Variants in SATB2 observed in about 807,000 individuals in gnomAD.
SATB2 encodes DNA-binding protein SATB2.
In SATB2, 1 loss-of-function variant was observed where a neutral mutation model predicts 73.4. The ratio of observed to expected loss-of-function variants is 0.01; its 90% confidence interval spans 0.00 to 0.06. The LOEUF is 0.06. Among genes scored for constraint, SATB2 ranks in the 10% least tolerant of loss-of-function variants. The pLI, the probability that SATB2 is intolerant of heterozygous loss-of-function variation, is 1.00. For missense variants in SATB2, 459 were observed against 945.8 expected (o/e 0.49, Z 6.75); for synonymous variants, 397 against 367.0 (o/e 1.08, Z -0.93).
intron 7 of SATB2, among the ~76,000 whole-genome samples, chr2:199,332,896 T>C (rs1056310272): frequency 7.9e-5 from 12 of 152,130 alleles, no homozygotes; most frequent in African/African-American, 2.9e-4. Context: ...TGATGGGCCT[T>C]TAACCCTGGA....
chr2:199,427,222 G>C (rs1324202471), intron 3 of SATB2, among the ~76,000 whole-genome samples: 1 of 151,984 alleles, frequency 6.6e-6, no homozygotes, highest in Non-Finnish European at 1.5e-5. Context: ...GAATTTATAG[G>C]ACTAGGATTT....
At chr2:199,292,605 G>A (rs1201963751) in intron 10 of SATB2, among the ~76,000 whole-genome samples, 1 of 152,182 alleles carries the variant, frequency 6.6e-6, no homozygotes, top group Non-Finnish European at 1.5e-5. Context: ...AAGGGATAGA[G>A]AACATGTCTT....
intron 3 of SATB2, among the ~76,000 whole-genome samples, chr2:199,389,772 A>T (rs1315302442): frequency 6.6e-6 from 1 of 152,136 alleles, no homozygotes; most frequent in Admixed American, 6.5e-5. Context: ...TATCAAGAAG[A>T]TTATTATTTA....
intron 9 of SATB2, among the ~76,000 whole-genome samples, chr2:199,311,065 A>G (rs1687581679): frequency 6.6e-6 from 1 of 152,216 alleles, no homozygotes; most frequent in African/African-American, 2.4e-5. Flanking sequence ...TTGCCCACTG[A>G]CATGCAAGGT....
rs1167271422 is a variant in SATB2 at position 199,431,787 on chromosome 2, GC to G, written c.346+1550del. 3.9e-5 allele frequency among the ~76,000 whole-genome samples: 6 copies of G among 152,144 alleles called. No individual in the cohort carries two copies. The East Asian group carries it at 9.6e-4, about 24-fold the overall frequency. ...TGTGTTCCACATGTGAGCTCGCGAC[GC>G]GCTGAACGGCTGTGCTAACTGAGAT... On this transcript the variant is annotated intron_variant, in intron 3 of 10. Coordinates refer to ENST00000417098, the MANE Select transcript of SATB2 (RefSeq NM_001172509.2).
chr2:199,359,050 A>C (rs1202809877), intron 6 of SATB2, among the ~76,000 whole-genome samples: 1 of 152,182 alleles, frequency 6.6e-6, no homozygotes, highest in Non-Finnish European at 1.5e-5. Flanking sequence ...AGGTGAATTC[A>C]GCACATGATA....
At chr2:199,442,351 A>G (rs1372023755) in intron 2 of SATB2, among the ~76,000 whole-genome samples, 1 of 152,108 alleles carries the variant, frequency 6.6e-6, no homozygotes, top group East Asian at 1.9e-4. Flanking sequence ...GCTGTGCGTG[A>G]CCACTATTGA....
intron 6 of SATB2, among the ~76,000 whole-genome samples, chr2:199,355,340 G>GTATATATATA (rs1445800916): frequency 7.2e-5 from 1 of 13,864 alleles, no homozygotes; most frequent in African/African-American, 8.5e-5. Context: ...GTGTGTGTGT[G>GTATATATATA]TGTGTATCTA....
intron 3 of SATB2, chr2:199,396,936 T>G (rs373209763): frequency 6.6e-6 from 1 of 152,188 alleles, no homozygotes; most frequent in African/African-American, 2.4e-5. Flanking sequence ...AAGATGCTAG[T>G]GCATACATTT....
intron 8 of SATB2, among the ~76,000 whole-genome samples, chr2:199,327,711 C>A (rs1393551663): frequency 6.6e-6 from 1 of 151,996 alleles, no homozygotes; most frequent in Non-Finnish European, 1.5e-5. Context: ...GCATGAGGGC[C>A]TAAGAAAAGA....
upstream of SATB2, among the ~76,000 whole-genome samples, chr2:199,467,217 G>A (rs542687629): frequency 6.6e-6 from 1 of 152,266 alleles, no homozygotes; most frequent in Non-Finnish European, 1.5e-5. Context: ...CTTGTTGGCC[G>A]GTGGCTAAGG....
chr2:199,460,214 G>A (rs1460074925), upstream of SATB2, among the ~76,000 whole-genome samples: 1 of 152,058 alleles, frequency 6.6e-6, no homozygotes, highest in Non-Finnish European at 1.5e-5. The surrounding 1 kb of genome is among the most constrained non-coding windows in gnomAD (Gnocchi z 4.0). Flanking sequence ...GTCGGTGAGA[G>A]CAAAAATGGG....
At chr2:199,332,608 T>G (rs1009866708) in intron 7 of SATB2, among the ~76,000 whole-genome samples, 1 of 152,156 alleles carries the variant, frequency 6.6e-6, no homozygotes, top group Admixed American at 6.6e-5. Flanking sequence ...AATGAAAAAT[T>G]AATGCCCTTA....
At chr2:199,294,303 G>A (rs988645920) in intron 10 of SATB2, among the ~76,000 whole-genome samples, 4 of 152,052 alleles carry the variant, frequency 2.6e-5, no homozygotes, top group African/African-American at 7.2e-5. Flanking sequence ...TCTGTATTAG[G>A]AACTCAAACT....
chr2:199,399,621 T>G (rs964324259), intron 3 of SATB2, among the ~76,000 whole-genome samples: 4 of 152,240 alleles, frequency 2.6e-5, no homozygotes, highest in African/African-American at 9.6e-5. Context: ...AGAAGCATGT[T>G]GCTGGCATCT....
intron 3 of SATB2, among the ~76,000 whole-genome samples, chr2:199,399,938 T>C (rs1690421337): frequency 6.6e-6 from 1 of 152,172 alleles, no homozygotes; most frequent in Non-Finnish European, 1.5e-5. Flanking sequence ...TGTCTCCATT[T>C]TAGGTTAGAA....
chr2:199,322,670 A>G (rs1344845846), intron 9 of SATB2, among the ~76,000 whole-genome samples: 1 of 152,156 alleles, frequency 6.6e-6, no homozygotes, highest in Admixed American at 6.6e-5. Context: ...AAAATAACCT[A>G]TATCAGGTTA....
chr2:199,317,866 C>G (rs1169898775), intron 9 of SATB2, among the ~76,000 whole-genome samples: 1 of 152,000 alleles, frequency 6.6e-6, no homozygotes, highest in Non-Finnish European at 1.5e-5. Context: ...CTTAGTTTGG[C>G]ATTTGGGAAT....
At chr2:199,309,814 T>C (rs1687544307) in intron 9 of SATB2, among the ~76,000 whole-genome samples, 1 of 152,212 alleles carries the variant, frequency 6.6e-6, no homozygotes, top group Non-Finnish European at 1.5e-5. Context: ...TCCCACATCA[T>C]GTCTCTTGCA....
Sources: allele counts gnomAD v4.1 joint callset (sites outside exome capture counted in the v4.1 genomes callset), GRCh38; gene constraint gnomAD v4.1.1; non-coding constraint Gnocchi (gnomAD v3.1); transcripts MANE v1.5; gene names NCBI Gene and HGNC (gene_info 2026-07-23, HGNC 2026-07-21).